Variants in SLC20A2 observed in about 807,000 individuals in gnomAD.
SLC20A2 encodes solute carrier family 20 member 2.
Under a neutral mutation model 61.0 loss-of-function variants are expected in SLC20A2, and 30 were observed. The ratio of observed to expected loss-of-function variants is 0.49; its 90% CI spans 0.37 to 0.67. The LOEUF (loss-of-function observed/expected upper bound fraction) is 0.67, where lower values mean the gene tolerates loss of function less well. Ranked by LOEUF, SLC20A2 falls within the 30% of genes least tolerant of loss-of-function variation. The pLI, the probability that SLC20A2 is intolerant of heterozygous loss-of-function variation, is 0.00. For missense variants in SLC20A2, 626 were observed against 866.4 expected, an observed-to-expected ratio of 0.72 and a Z score of 3.48; for synonymous variants, 351 against 353.3, an observed-to-expected ratio of 0.99 and a Z score of 0.07.
At chr8:42,477,087 G>A (rs1423821842) in intron 1 of SLC20A2, among the ~76,000 whole-genome samples, 4 of 152,192 alleles carry the variant, frequency 2.6e-5, no homozygotes, top group Admixed American at 2.0e-4. Flanking sequence ...ATAAGGCCCC[G>A]TCGCAGTTCT....
chr8:42,439,781 G>T, intron 6 of SLC20A2, 128 bp from the exon 7 acceptor site: 1 of 714,324 alleles, frequency 1.4e-6, no homozygotes, highest in Non-Finnish European at 2.3e-6. Context: ...AAAAGTTATA[G>T]CTAGATAGAG....
At chr8:42,525,815 G>C (rs1258182176) in intron 1 of SLC20A2, among the ~76,000 whole-genome samples, 1 of 152,042 alleles carries the variant, frequency 6.6e-6, no homozygotes, top group Non-Finnish European at 1.5e-5. Context: ...ACGATGATAG[G>C]GATATGGCAA....
chr8:42,439,511 T>A lies in SLC20A2; in HGVS notation c.873A>T (p.Ala291=), dbSNP rs750108290. ...CTTCCGAGGTCCCCAGTGTCTCCCC[T>A]GCTGCTCCCGTGAGCGGGATGGTGC... is the stretch of plus-strand genomic sequence containing the variant. ...DDSTIPLTGA[A]GETLGTSEGT... Residue 291 remains alanine, a synonymous_variant, in exon 7 of 11, where the codon GCA becomes GCT. Coordinates refer to ENST00000520262, the MANE Select transcript of SLC20A2 (RefSeq NM_001257180.2). The A allele has an allele frequency of 6.2e-7, 1 of 1,614,196 alleles. No homozygotes were observed. Among genetic ancestry groups the A allele is most frequent in the South Asian group, 1.1e-5 (1 of 91,084 alleles).
At chr8:42,476,316 G>T (rs1228085943) in intron 1 of SLC20A2, among the ~76,000 whole-genome samples, 1 of 151,720 alleles carries the variant, frequency 6.6e-6, no homozygotes, top group Non-Finnish European at 1.5e-5. Context: ...TGTTAGCCAG[G>T]ATGGTCTCAA....
At chr8:42,530,610 T>C (rs1278449742) in intron 1 of SLC20A2, among the ~76,000 whole-genome samples, 2 of 152,174 alleles carry the variant, frequency 1.3e-5, no homozygotes, top group Non-Finnish European at 2.9e-5. Context: ...AATGGATTTA[T>C]GGAAGACACA....
chr8:42,477,893 C>CTTTCTTTTTT (rs1554563244), intron 1 of SLC20A2, among the ~76,000 whole-genome samples: 84 of 145,728 alleles, frequency 5.8e-4, no homozygotes, highest in African/African-American at 2.0e-3. Flanking sequence ...TTGGCAATTT[C>CTTTCTTTTTT]TTTTTTTTTT....
At chr8:42,425,967 C>T (rs372720115) in intron 10 of SLC20A2, among the ~76,000 whole-genome samples, 5 of 151,948 alleles carry the variant, frequency 3.3e-5, no homozygotes, top group East Asian at 1.9e-4. Flanking sequence ...ACCCAGGAGG[C>T]GGAGCTTGCA....
chr8:42,475,841 G>A (rs1340318950), intron 1 of SLC20A2, among the ~76,000 whole-genome samples: 2 of 151,902 alleles, frequency 1.3e-5, no homozygotes, highest in African/African-American at 4.8e-5. Context: ...GGCTGTGGAC[G>A]GTGGTGGGTG....
intron 1 of SLC20A2, among the ~76,000 whole-genome samples, chr8:42,474,934 T>TG (rs34697064): frequency 1.6e-5 from 1 of 63,226 alleles, no homozygotes; most frequent in South Asian, 6.3e-4. Context: ...GTGTGGGGGG[T>TG]GGGGGGGACA....
intron 5 of SLC20A2, among the ~76,000 whole-genome samples, chr8:42,459,495 G>C (rs974179780): frequency 6.6e-6 from 1 of 152,260 alleles, no homozygotes; most frequent in Non-Finnish European, 1.5e-5. Flanking sequence ...GGCCCCAGGT[G>C]CTCCACACCC....
At chr8:42,443,536 G>T (rs1563462823) in intron 6 of SLC20A2, among the ~76,000 whole-genome samples, 1 of 151,604 alleles carries the variant, frequency 6.6e-6, no homozygotes, top group Non-Finnish European at 1.5e-5. Flanking sequence ...GGTTAGGCTG[G>T]TCTCCTGACC....
At chr8:42,422,625 C>T (rs1407610130) in intron 10 of SLC20A2, among the ~76,000 whole-genome samples, 1 of 152,094 alleles carries the variant, frequency 6.6e-6, no homozygotes, top group Non-Finnish European at 1.5e-5. Flanking sequence ...CTCACCCGCC[C>T]CACCCCTAGC....
intron 6 of SLC20A2, among the ~76,000 whole-genome samples, chr8:42,442,696 C>T (rs1416286239): frequency 6.6e-6 from 1 of 152,170 alleles, no homozygotes; most frequent in African/African-American, 2.4e-5. Context: ...TCTACATGAA[C>T]TTTAAAAGTG....
At chr8:42,418,963 C>G (rs1802859476) in intron 10 of SLC20A2, among the ~76,000 whole-genome samples, 1 of 129,116 alleles carries the variant, frequency 7.7e-6, no homozygotes, top group Non-Finnish European at 1.6e-5. Flanking sequence ...GAGCGGAGAT[C>G]ATGCCACTGC....
chr8:42,448,745 G>T (rs1379617248), intron 5 of SLC20A2, among the ~76,000 whole-genome samples: 1 of 152,068 alleles, frequency 6.6e-6, no homozygotes, highest in Non-Finnish European at 1.5e-5. Context: ...GAAGAAGAGA[G>T]AAGGAATCTG....
intron 2 of SLC20A2, among the ~76,000 whole-genome samples, chr8:42,467,444 T>A (rs1158025558): frequency 1.3e-5 from 2 of 152,250 alleles, no homozygotes; most frequent in African/African-American, 4.8e-5. Context: ...CCCATGGAAC[T>A]GTAGGGGAAC....
chr8:42,536,045 G>A (rs529785386), intron 1 of SLC20A2, among the ~76,000 whole-genome samples: 16 of 152,094 alleles, frequency 1.1e-4, no homozygotes, highest in Non-Finnish European at 2.4e-4. Flanking sequence ...TCCCATTCAG[G>A]GAAGAGTCTG....
chr8:42,433,366 C>T (rs1181597532), intron 8 of SLC20A2, among the ~76,000 whole-genome samples: 3 of 152,156 alleles, frequency 2.0e-5, no homozygotes, highest in Non-Finnish European at 4.4e-5. Context: ...CTTGGTTGCC[C>T]AGGCTGGAGT....
intron 1 of SLC20A2, among the ~76,000 whole-genome samples, chr8:42,496,863 T>G (rs755088924): frequency 6.3e-4 from 96 of 152,240 alleles, no homozygotes; most frequent in Non-Finnish European, 1.2e-3. Flanking sequence ...CTGGCCACAG[T>G]CTGTGATGTA....
Sources: gnomAD v4.1 joint callset for allele counts (sites outside exome capture counted in the v4.1 genomes callset) on GRCh38, gnomAD v4.1.1 for gene constraint, MANE v1.5 for transcripts, NCBI Gene and HGNC (gene_info 2026-07-23, HGNC 2026-07-21) for gene names.